Variants in ARHGAP26 observed in about 807,000 individuals in gnomAD.
The protein encoded by ARHGAP26 is rho GTPase-activating protein 26.
Under a neutral mutation model 104.8 loss-of-function variants are expected in ARHGAP26, and 38 were observed. The observed-to-expected ratio is 0.36, with a 90% CI of 0.28 to 0.48. ARHGAP26 has a LOEUF of 0.48. Ranked by LOEUF, ARHGAP26 falls within the 20% of genes least tolerant of loss-of-function variation. ARHGAP26 has a pLI of 0.99. For missense variants in ARHGAP26, 704 were observed against 947.9 expected, an observed-to-expected ratio of 0.74 and a Z score of 3.38; for synonymous variants, 341 against 340.0, an observed-to-expected ratio of 1.00 and a Z score of -0.03.
At chr5:142,938,684 A>G (rs1388316762) in intron 11 of ARHGAP26, among the ~76,000 whole-genome samples, 1 of 152,230 alleles carries the variant, frequency 6.6e-6, no homozygotes, top group Admixed American at 6.5e-5. Flanking sequence ...AAGATGGCTC[A>G]GGAAGCCAGG....
chr5:143,011,339 A>G (rs1257317969), intron 11 of ARHGAP26, among the ~76,000 whole-genome samples: 1 of 110,400 alleles, frequency 9.1e-6, no homozygotes, highest in Non-Finnish European at 1.7e-5. Flanking sequence ...TCTCCAATGT[A>G]CTTATCAATA....
chr5:142,923,955 G>A (rs1038576044), intron 10 of ARHGAP26, among the ~76,000 whole-genome samples: 8 of 140,610 alleles, frequency 5.7e-5, no homozygotes, highest in African/African-American at 1.8e-4. Context: ...TCCGCCCCCC[G>A]GGTTCGTGCC....
intron 6 of ARHGAP26, 41 bp downstream of exon 6, chr5:142,894,389 C>A: frequency 6.4e-7 from 1 of 1,551,576 alleles, no homozygotes; most frequent in South Asian, 1.1e-5. Context: ...CCCATATATT[C>A]ATCCCTCATT....
rs377334856 is a variant in ARHGAP26 at position 143,140,848 on chromosome 5, A to G, written c.1838-6383A>G. On this transcript the variant is annotated intron_variant, in intron 19 of 22. Coordinates refer to ENST00000645722, the MANE Select transcript of ARHGAP26 (RefSeq NM_001135608.3). Reference sequence around the variant, plus strand: ...CTGAATAATTTTTTTAGTTCCGTTAATTCATCCTAGACCCTCTCCCAGACA... The same window carrying G: ...CTGAATAATTTTTTTAGTTCCGTTAGTTCATCCTAGACCCTCTCCCAGACA... Among the ~76,000 whole-genome samples, 10 of 152,266 alleles carry G rather than the reference A, an allele frequency of 6.6e-5. No individual in the cohort carries two copies. In the East Asian group the frequency reaches 1.7e-3, roughly 26 times the overall value.
At position 142,876,663 on chromosome 5, in the gene ARHGAP26, C is replaced by G. The variant is rs536547946; in HGVS notation, c.312+1492C>G. ...GGCATTGTGACGTATGCTTGTAGTC[C>G]CAGCTACTTGGGAGGAGGGAGGAGG... On this transcript the variant is annotated intron_variant, in intron 3 of 22. Transcript: ENST00000645722. 1.3e-3 allele frequency among the ~76,000 whole-genome samples: 193 copies of G among 150,224 alleles called. 2 individuals carry two copies. Among genetic ancestry groups the G allele is most frequent in the African/African-American group, 4.6e-3 (186 of 40,738 alleles).
At chr5:143,098,293 C>G (rs1000101808) in intron 17 of ARHGAP26, among the ~76,000 whole-genome samples, 4 of 152,124 alleles carry the variant, frequency 2.6e-5, no homozygotes, top group Admixed American at 2.6e-4. Flanking sequence ...AAAGCCAATT[C>G]CTTCTAAGCA....
intron 1 of ARHGAP26, chr5:142,771,258 G>C (rs1042098842): frequency 8.0e-7 from 1 of 1,251,780 alleles, no homozygotes; most frequent in African/African-American, 1.5e-5. Context: ...CCAGCGGGCA[G>C]ATCCCATCGT....
chr5:142,980,646 C>T (rs1773813825), intron 11 of ARHGAP26, among the ~76,000 whole-genome samples: 1 of 152,110 alleles, frequency 6.6e-6, no homozygotes, highest in South Asian at 2.1e-4. Flanking sequence ...GCCTTGGCCT[C>T]CCAAAGTGCT....
At chr5:143,014,035 GT>G (rs1779245319) in intron 11 of ARHGAP26, 44 bp from the exon 12 acceptor site, 1 of 1,589,066 alleles carries the variant, frequency 6.3e-7, no homozygotes, top group Non-Finnish European at 8.6e-7. Flanking sequence ...AACCTATAGG[GT>G]GGCATAAAAT....
Position 143,103,537 on chromosome 5 carries a change from A to G in ARHGAP26, c.1539-17451A>G, listed in dbSNP as rs1461976924. Among the ~76,000 whole-genome samples the G allele has an allele frequency of 2.7e-5, 4 of 148,806 alleles. No individual in the cohort carries two copies. In the Admixed American group the frequency reaches 2.8e-4, roughly 10 times the overall value. ...CTGTTCACAATAGCAAAGACTTGGA[A>G]CCAACCCAAATGCCCATGAATGTTA... On this transcript the variant is annotated intron_variant, in intron 17 of 22. Transcript: ENST00000645722.
chr5:143,117,342 A>C (rs886839180), intron 17 of ARHGAP26, among the ~76,000 whole-genome samples: 18 of 152,314 alleles, frequency 1.2e-4, no homozygotes, highest in Non-Finnish European at 1.9e-4. Context: ...GCTATAATGG[A>C]TGGCTGGTGC....
chr5:143,155,684 C>T (rs2151028433), intron 20 of ARHGAP26, among the ~76,000 whole-genome samples: 1 of 152,312 alleles, frequency 6.6e-6, no homozygotes, highest in South Asian at 2.1e-4. Flanking sequence ...AATGCCTAGC[C>T]ACATCCCTGT....
intron 5 of ARHGAP26, among the ~76,000 whole-genome samples, 168 bp downstream of exon 5, chr5:142,885,567 T>G (rs1166563657): frequency 6.6e-6 from 1 of 152,198 alleles, no homozygotes; most frequent in African/African-American, 2.4e-5. Context: ...ACTGCCTTTG[T>G]GTCCTCCCAT....
intron 18 of ARHGAP26, among the ~76,000 whole-genome samples, chr5:143,133,139 A>G (rs1436322308): frequency 2.0e-5 from 3 of 152,202 alleles, no homozygotes; most frequent in Non-Finnish European, 4.4e-5. Flanking sequence ...CTGTAGAAAT[A>G]AAGATGAGAG....
intron 12 of ARHGAP26, among the ~76,000 whole-genome samples, chr5:143,032,185 C>A (rs1781975347): frequency 6.6e-6 from 1 of 152,176 alleles, no homozygotes; most frequent in Non-Finnish European, 1.5e-5. Flanking sequence ...ACCTGGGAGG[C>A]CAACCTGGAT....
intron 17 of ARHGAP26, among the ~76,000 whole-genome samples, chr5:143,063,334 C>T (rs1055555815): frequency 6.6e-6 from 1 of 152,214 alleles, no homozygotes; most frequent in African/African-American, 2.4e-5. Context: ...CTCCCTATTG[C>T]TCTGGCTGGT....
chr5:143,030,602 A>C (rs1781703308), intron 12 of ARHGAP26, among the ~76,000 whole-genome samples: 11 of 128,612 alleles, frequency 8.6e-5, no homozygotes, highest in Admixed American at 7.8e-4. Flanking sequence ...ATATCATCAC[A>C]AAAAAAATGA....
At chr5:142,817,867 A>G (rs904847057) in intron 1 of ARHGAP26, among the ~76,000 whole-genome samples, 4 of 152,192 alleles carry the variant, frequency 2.6e-5, no homozygotes, top group Non-Finnish European at 5.9e-5. Flanking sequence ...AAATTCCTGG[A>G]CAGAACCTGA....
chr5:142,956,469 C>G (rs556937983), intron 11 of ARHGAP26, among the ~76,000 whole-genome samples: 4 of 151,928 alleles, frequency 2.6e-5, no homozygotes, highest in Non-Finnish European at 5.9e-5. Context: ...CCCAGCTACT[C>G]GGGAAGCTGA....
Sources: allele counts gnomAD v4.1 joint callset (sites outside exome capture counted in the v4.1 genomes callset), GRCh38; gene constraint gnomAD v4.1.1; transcripts MANE v1.5; gene names NCBI Gene and HGNC (gene_info 2026-07-23, HGNC 2026-07-21).